The following LYRM9 variants were observed in gnomAD, a reference collection of about 807,000 sequenced individuals.
LYRM9 encodes the protein LYR motif containing 9, also known as LYR motif-containing protein 9.
Under a neutral mutation model 12.6 loss-of-function variants are expected in LYRM9, and 14 were observed. The observed-to-expected ratio is 1.11, with a 90% confidence interval of 0.73 to 1.73. The LOEUF (loss-of-function observed/expected upper bound fraction) is 1.73. Ranked by LOEUF, LYRM9 falls within the 40% of genes most tolerant of loss-of-function variation. The pLI is 0.00. For synonymous variants in LYRM9, 42 were observed against 35.1 expected (o/e 1.20, Z -0.69); for missense variants, 94 against 95.0 (o/e 0.99, Z 0.04).
intron 1 of LYRM9, among the ~76,000 whole-genome samples, chr17:27,885,789 G>A (rs1905213569): frequency 6.8e-6 from 1 of 147,728 alleles, no homozygotes; most frequent in Non-Finnish European, 1.5e-5. Context: ...ACTTCTCAAT[G>A]ATCTGGGCCA....
rs1039800028 is a variant in LYRM9, at chr17:27,880,257, A to G, written c.219+17T>C. The G allele has an allele frequency of 1.9e-6, 3 of 1,590,636 alleles. No homozygotes were observed. The African/African-American group carries it at 4.0e-5, about 21-fold the overall frequency. On this transcript the variant is annotated intron_variant, in intron 3 of 3. Transcript: ENST00000379102. Reference sequence around the variant, plus strand: ...TCACCCCAGCTCGCAGGCAGAGCCCAGGGGCCAAGCACCTACTTTGTTCAT... The same window carrying G: ...TCACCCCAGCTCGCAGGCAGAGCCCGGGGGCCAAGCACCTACTTTGTTCAT...
At chr17:27,879,564 C>T in intron 3 of LYRM9, 74 bp from the exon 4 acceptor site, 1 of 1,504,438 alleles carries the variant, frequency 6.6e-7, no homozygotes, top group East Asian at 2.5e-5. Context: ...AATCTCAGGC[C>T]TCCATCATCT....
In LYRM9 at chr17:27,879,444, G is replaced by C; in HGVS notation, c.*29C>G. 1 of 1,548,810 alleles carries C rather than the reference G, an allele frequency of 6.5e-7. No homozygotes were observed. Among genetic ancestry groups the C allele is most frequent in the Non-Finnish European group, 8.7e-7 (1 of 1,146,080 alleles). The stretch of plus-strand genomic sequence containing the variant: ...CAGAAGAGGGGCCTCTCAACTTCCA[G>C]AGGCCAGGAAGGCTCACCCTCGGAG... On this transcript the variant is annotated 3_prime_UTR_variant, in exon 4 of 4. Transcript: ENST00000379102.
chr17:27,883,979 G>C (rs1330570823), intron 1 of LYRM9, among the ~76,000 whole-genome samples: 1 of 148,962 alleles, frequency 6.7e-6, no homozygotes, highest in Non-Finnish European at 1.5e-5. Flanking sequence ...TCATAATCAA[G>C]AGAGTTAACA....
At chr17:27,882,789 T>G in intron 1 of LYRM9, 77 bp from the exon 2 acceptor site, 21 of 1,429,686 alleles carry the variant, frequency 1.5e-5, no homozygotes, top group Non-Finnish European at 1.6e-5. Context: ...TTCCCAGTAC[T>G]CTGGGAAGCA....
intron 1 of LYRM9, among the ~76,000 whole-genome samples, chr17:27,887,419 G>C (rs542086796): frequency 4.6e-5 from 7 of 152,120 alleles, no homozygotes; most frequent in Non-Finnish European, 8.8e-5. Flanking sequence ...ATGTGGACCC[G>C]GCAAAAATCA....
intron 1 of LYRM9, among the ~76,000 whole-genome samples, chr17:27,887,640 C>T (rs1038978098): frequency 1.3e-5 from 2 of 151,876 alleles, no homozygotes; most frequent in South Asian, 4.2e-4. Flanking sequence ...AGCACTGGGG[C>T]AGAATGTCTG....
At chr17:27,883,264 G>A in intron 1 of LYRM9, 1 of 280,132 alleles carries the variant, frequency 3.6e-6, no homozygotes, top group South Asian at 3.1e-5. Context: ...CAGGAGATTT[G>A]CAGGCACATT....
Position 27,879,229 on chromosome 17 carries a change from A to G in LYRM9, c.*244T>C. Reference sequence around the variant, plus strand: ...AACACAAAAATAAAAAACACACAAAAGAAGCAAAAAAATACTACATTCTCC... The same window carrying G: ...AACACAAAAATAAAAAACACACAAAGGAAGCAAAAAAATACTACATTCTCC... On this transcript the variant is annotated 3_prime_UTR_variant, in exon 4 of 4. Coordinates refer to ENST00000379102, the MANE Select transcript of LYRM9 (RefSeq NM_001076680.3). 4.5e-6 allele frequency: 2 copies of G among 448,320 alleles called. No individual in the cohort carries two copies. Among genetic ancestry groups the G allele is most frequent in the African/African-American group, 2.0e-5 (1 of 49,074 alleles). 27.8% of individuals were successfully genotyped at this position (448,320 alleles called of 1,614,324 possible). A position where few individuals can be genotyped will look rare whatever the true frequency, so the allele number is the denominator to read the frequency against.
At chr17:27,892,587 A>G in intron 1 of LYRM9, 1 of 350,318 alleles carries the variant, frequency 2.9e-6, no homozygotes, top group Non-Finnish European at 5.6e-6. Context: ...CGAAACATCC[A>G]GAATAGGCAA....
chr17:27,887,944 C>G (rs1487539443), intron 1 of LYRM9, among the ~76,000 whole-genome samples: 1 of 152,130 alleles, frequency 6.6e-6, no homozygotes. Flanking sequence ...TCAGGGGAGG[C>G]TTAGACTTTT....
Position 27,885,449 on chromosome 17 carries a change from G to A in LYRM9, c.-18-2737C>T, listed in dbSNP as rs1359017186. ...ATTTGGGCCAGGGGTGATGGCTCAC[G>A]CCTGTAATCCCAGCACTTTGGCAGG... On this transcript the variant is annotated intron_variant, in intron 1 of 3. Transcript: ENST00000379102. 7.9e-5 allele frequency among the ~76,000 whole-genome samples: 12 copies of A among 152,098 alleles called. No homozygotes were observed. The South Asian group carries it at 1.4e-3, about 18-fold the overall frequency.
rs765722866 is a variant in LYRM9 at position 27,882,552 on chromosome 17, G to A, written c.126+17C>T. 7 of 1,566,262 alleles carry A rather than the reference G, an allele frequency of 4.5e-6. No homozygotes were observed. The East Asian group carries it at 1.6e-4, about 36-fold the overall frequency. On this transcript the variant is annotated intron_variant, in intron 2 of 3. Transcript: ENST00000379102. ...CCATTAGAGGCAGCCCCCAGACCTG[G>A]TAGAGCCAGCTCGCACCTGCCTGAC...
chr17:27,892,682 G>T, intron 1 of LYRM9: 1 of 293,404 alleles, frequency 3.4e-6, no homozygotes, highest in East Asian at 9.2e-5. Flanking sequence ...AGCTAAAGGA[G>T]GTGTTTCTTT....
intron 1 of LYRM9, among the ~76,000 whole-genome samples, chr17:27,887,447 G>A (rs572213134): frequency 1.3e-5 from 2 of 152,326 alleles, no homozygotes; most frequent in South Asian, 4.1e-4. Flanking sequence ...CCTGAAGTGT[G>A]GAAAGCACTG....
chr17:27,885,918 G>T (rs1449976489), intron 1 of LYRM9, among the ~76,000 whole-genome samples: 2 of 152,042 alleles, frequency 1.3e-5, no homozygotes, highest in African/African-American at 4.8e-5. Context: ...GACTCCAGCT[G>T]TAAGGCAGAG....
At chr17:27,880,877 G>A (rs1192728059) in intron 2 of LYRM9, 7 of 155,682 alleles carry the variant, frequency 4.5e-5, no homozygotes, top group African/African-American at 1.7e-4. Context: ...GCAGAGCATG[G>A]GATACTGTTT....
chr17:27,879,489 T>C lies in LYRM9; in HGVS notation c.221A>G (p.Tyr74Cys), dbSNP rs1904964485. ...TCGGAGCTCTCAGTTTTGTTTTTTA[T>C]ACTGCAAGACAGAGAGATTCGAAGT... is the stretch of plus-strand genomic sequence containing the variant. ...IEDADWIMNK[Y>C]KKQN Residue 74 changes from tyrosine (Y) to cysteine (C), a missense_variant and splice_region_variant, in exon 4 of 4, where the codon TAT (tyrosine) becomes TGT (cysteine). Tyr to Cys is a radical substitution (Grantham distance 194, BLOSUM62 -2). Coordinates refer to ENST00000379102, the MANE Select transcript of LYRM9 (RefSeq NM_001076680.3). 2 of 1,552,080 alleles carry C rather than the reference T, an allele frequency of 1.3e-6. No individual in the cohort carries two copies. Among genetic ancestry groups the C allele is most frequent in the African/African-American group, 1.4e-5 (1 of 73,092 alleles).
intron 3 of LYRM9, 56 bp from the exon 4 acceptor site, chr17:27,879,546 T>C: frequency 6.5e-7 from 1 of 1,538,936 alleles, no homozygotes; most frequent in African/African-American, 1.4e-5. Flanking sequence ...GCAGGAGGAC[T>C]CTGGAGAAAT....
Sources: allele counts gnomAD v4.1 joint callset (sites outside exome capture counted in the v4.1 genomes callset), GRCh38; gene constraint gnomAD v4.1.1; transcripts MANE v1.5; gene names NCBI Gene and HGNC (gene_info 2026-07-23, HGNC 2026-07-21).